The following NCKAP5 variants were observed in gnomAD, a reference collection of about 807,000 sequenced individuals.
The protein encoded by NCKAP5 is NCK associated protein 5.
NCKAP5 carries 92 observed loss-of-function variants against 167.0 expected under a neutral mutation model. That is an observed-to-expected ratio of 0.55 (90% CI 0.47 to 0.66). The LOEUF (loss-of-function observed/expected upper bound fraction) is 0.66, where lower values mean the gene tolerates loss of function less well. NCKAP5 is among the 30% of genes least tolerant of loss of function. The probability of loss-of-function intolerance (pLI) is 0.00; values close to 1 mark genes in which losing one functional copy is unlikely to be tolerated. For missense variants in NCKAP5, 2,378 were observed against 2,315.0 expected, an observed-to-expected ratio of 1.03 and a Z score of -0.56; for synonymous variants, 891 against 877.4, an observed-to-expected ratio of 1.02 and a Z score of -0.27.
intron 3 of NCKAP5, among the ~76,000 whole-genome samples, chr2:133,475,322 C>T (rs913958033): frequency 6.6e-6 from 1 of 152,184 alleles, no homozygotes; most frequent in Non-Finnish European, 1.5e-5. Flanking sequence ...TGCCAGGACT[C>T]CCAATGTGCA....
intron 19 of NCKAP5, among the ~76,000 whole-genome samples, chr2:132,708,690 C>T (rs1018578817): frequency 2.0e-5 from 3 of 152,208 alleles, no homozygotes; most frequent in African/African-American, 4.8e-5. Flanking sequence ...GACCGTAGAG[C>T]GCTTCATGTG....
At position 132,725,657 on chromosome 2, in the gene NCKAP5, A is replaced by C; in HGVS notation, c.5683T>G (p.Leu1895Val). 6.2e-7 allele frequency: 1 copy of C among 1,612,124 alleles called. No homozygotes were observed. The highest frequency in any genetic ancestry group is 8.5e-7 in the Non-Finnish European group (1 of 1,179,224). ...DNGFGAGRGQ[L>V]VKALKSAAPE... ...GCAGCGCTCTTCAGTGCTTTCACTA[A>C]CTGTCCCCTTCCAGCTCCAAAACCA... is the stretch of plus-strand genomic sequence containing the variant. The change falls in exon 19 of 20, where the codon TTA becomes GTA. Residue 1895 changes from leucine to valine, a missense_variant. Around this residue, in one of 3 missense-constraint regions of NCKAP5, gnomAD observed 1,325 missense variants for 1,274.5 expected, o/e 1.04. Transcript: ENST00000409261.
intron 7 of NCKAP5, among the ~76,000 whole-genome samples, chr2:132,975,705 C>T (rs1054385407): frequency 4.6e-5 from 7 of 151,256 alleles, no homozygotes; most frequent in Non-Finnish European, 7.4e-5. Flanking sequence ...CAGATAGAAA[C>T]CAAAAACAGA....
chr2:133,103,138 G>T lies in NCKAP5; in HGVS notation c.341+26840C>A, dbSNP rs1002503851. On this transcript the variant is annotated intron_variant, in intron 6 of 19. Transcript: ENST00000409261. ...TCTCATTACATATTTTTACATATTTGTTGGTTATTATGTTTTCCTTCCATC... is the reference window on the plus strand; with the variant it reads ...TCTCATTACATATTTTTACATATTTTTTGGTTATTATGTTTTCCTTCCATC... 5.7e-4 allele frequency among the ~76,000 whole-genome samples: 86 copies of T among 152,034 alleles called. 1 individual carries two copies. The highest frequency in any genetic ancestry group is 2.4e-4 in the Non-Finnish European group (16 of 68,008).
intron 3 of NCKAP5, among the ~76,000 whole-genome samples, chr2:133,442,480 G>C (rs955087914): frequency 1.3e-5 from 2 of 152,154 alleles, no homozygotes; most frequent in Non-Finnish European, 1.5e-5. Context: ...TTCTCAACTA[G>C]GGAAGAATTT....
the NCKAP5 span, among the ~76,000 whole-genome samples, chr2:133,649,852 A>G: frequency 6.6e-6 from 1 of 152,170 alleles, no homozygotes; most frequent in Non-Finnish European, 1.5e-5. Flanking sequence ...AGTACTAGCC[A>G]GAGTAATTAA....
chr2:133,335,837 T>G (rs1483047376), intron 3 of NCKAP5, among the ~76,000 whole-genome samples: 1 of 152,158 alleles, frequency 6.6e-6, no homozygotes, highest in Non-Finnish European at 1.5e-5. Context: ...GTTCCAAAAA[T>G]TGATTTTATA....
chr2:132,848,463 A>T (rs991717406), intron 11 of NCKAP5, among the ~76,000 whole-genome samples: 1 of 152,194 alleles, frequency 6.6e-6, no homozygotes, highest in African/African-American at 2.4e-5. Context: ...AACAATGTCA[A>T]ATGTAACAAT....
At chr2:133,350,087 T>C (rs1227274523) in intron 3 of NCKAP5, among the ~76,000 whole-genome samples, 1 of 152,076 alleles carries the variant, frequency 6.6e-6, no homozygotes, top group Non-Finnish European at 1.5e-5. Flanking sequence ...AGTGATCCTA[T>C]AAAAATGCAA....
At chr2:133,238,022 G>A (rs992484061) in intron 4 of NCKAP5, among the ~76,000 whole-genome samples, 1 of 152,110 alleles carries the variant, frequency 6.6e-6, no homozygotes, top group Non-Finnish European at 1.5e-5. Context: ...CCACCACTGT[G>A]GCCAATGAAA....
intron 19 of NCKAP5, among the ~76,000 whole-genome samples, chr2:132,682,641 C>G (rs1276955792): frequency 2.0e-5 from 3 of 152,130 alleles, no homozygotes; most frequent in Non-Finnish European, 4.4e-5. Context: ...ATAATGGCAC[C>G]TAGAACACAA....
rs368849647 is a variant in NCKAP5, at chr2:133,234,550, G to T, written c.144-20771C>A. On this transcript the variant is annotated intron_variant, in intron 4 of 19. Transcript: ENST00000409261. ...AACACTAATTCCAGTACTGACCACTGTATGTTCTTTAACATGTCGCTCATA... is the reference window on the plus strand; with the variant it reads ...AACACTAATTCCAGTACTGACCACTTTATGTTCTTTAACATGTCGCTCATA... 2.1e-3 allele frequency among the ~76,000 whole-genome samples: 322 copies of T among 152,236 alleles called. 2 individuals carry two copies. Among genetic ancestry groups the T allele is most frequent in the African/African-American group, 7.5e-3 (311 of 41,540 alleles).
chr2:133,562,314 T>C (rs974299366), intron 1 of NCKAP5, among the ~76,000 whole-genome samples: 2 of 152,192 alleles, frequency 1.3e-5, no homozygotes, highest in Non-Finnish European at 2.9e-5. Flanking sequence ...TTCATATATA[T>C]ACATAGATAT....
chr2:133,563,031 T>C (rs1688278612), intron 1 of NCKAP5, among the ~76,000 whole-genome samples: 1 of 152,212 alleles, frequency 6.6e-6, no homozygotes, highest in Non-Finnish European at 1.5e-5. Flanking sequence ...ACTGGGTCCA[T>C]GACTTGCCAG....
At chr2:133,086,772 A>G (rs893358819) in intron 6 of NCKAP5, among the ~76,000 whole-genome samples, 1 of 152,180 alleles carries the variant, frequency 6.6e-6, no homozygotes, top group Non-Finnish European at 1.5e-5. Context: ...TCATGTGTGT[A>G]TCAGCCTGGG....
chr2:133,485,447 A>G (rs1680827563), intron 3 of NCKAP5, among the ~76,000 whole-genome samples: 1 of 152,160 alleles, frequency 6.6e-6, no homozygotes. Context: ...TTTATGAGGA[A>G]GTGTCCAAGT....
At chr2:133,374,044 C>A (rs2150921982) in intron 3 of NCKAP5, among the ~76,000 whole-genome samples, 1 of 152,272 alleles carries the variant, frequency 6.6e-6, no homozygotes, top group African/African-American at 2.4e-5. Context: ...TATGTCCATA[C>A]CAAAACCTCC....
chr2:133,053,199 T>C lies in NCKAP5; in HGVS notation c.342-58960A>G, dbSNP rs1052198932. 2.2e-4 allele frequency among the ~76,000 whole-genome samples: 33 copies of C among 152,176 alleles called. 1 individual carries two copies. The highest frequency in any genetic ancestry group is 1.5e-3 in the Admixed American group (23 of 15,274). On this transcript the variant is annotated intron_variant, in intron 6 of 19. Transcript: ENST00000409261. ...TCTGCTCAGATCCTTGAAGATTCTT[T>C]ATTCGAGAGCAGTCAGGTCTAACAA...
chr2:132,795,014 G>A (rs990747314), intron 12 of NCKAP5, among the ~76,000 whole-genome samples: 2 of 152,162 alleles, frequency 1.3e-5, no homozygotes, highest in African/African-American at 4.8e-5. Flanking sequence ...TTCCAATATT[G>A]TTAGCAGGCA....
Sources: allele counts gnomAD v4.1 joint callset (sites outside exome capture counted in the v4.1 genomes callset), GRCh38; gene constraint gnomAD v4.1.1; regional missense constraint gnomAD v4.1.1; transcripts MANE v1.5; gene names NCBI Gene and HGNC (gene_info 2026-07-23, HGNC 2026-07-21).